TRIP12: variants seen among roughly 807,000 people sequenced by gnomAD.
TRIP12 encodes the protein E3 ubiquitin-protein ligase TRIP12.
Under a neutral mutation model 244.2 loss-of-function variants are expected in TRIP12, and 25 were observed. The ratio of observed to expected loss-of-function variants is 0.10; its 90% CI spans 0.07 to 0.14. The LOEUF (loss-of-function observed/expected upper bound fraction) is 0.14, where lower values mean the gene tolerates loss of function less well. Among genes scored for constraint, TRIP12 ranks in the 10% least tolerant of loss-of-function variants. The pLI is 1.00. For missense variants in TRIP12, 1,677 were observed against 2,486.4 expected, an observed-to-expected ratio of 0.67 and a Z score of 6.92; for synonymous variants, 905 against 873.1, an observed-to-expected ratio of 1.04 and a Z score of -0.64.
intron 6 of TRIP12, among the ~76,000 whole-genome samples, chr2:229,835,986 G>A (rs1417392703): frequency 6.6e-6 from 1 of 152,138 alleles, no homozygotes; most frequent in Non-Finnish European, 1.5e-5. Context: ...AAAGTGTAGT[G>A]CTTAAAAGAA....
chr2:229,863,602 A>G (rs2154339390), intron 2 of TRIP12, among the ~76,000 whole-genome samples: 1 of 152,354 alleles, frequency 6.6e-6, no homozygotes, highest in East Asian at 1.9e-4. Context: ...AGGAATAGAC[A>G]ACCAGATGGT....
chr2:229,864,047 A>AGAGAGTGTGT, intron 2 of TRIP12, among the ~76,000 whole-genome samples: 12 of 79,316 alleles, frequency 1.5e-4, no homozygotes, highest in African/African-American at 2.4e-4. Context: ...AGAGAGAGAG[A>AGAGAGTGTGT]GTGTGTGTGT....
intron 37 of TRIP12, among the ~76,000 whole-genome samples, chr2:229,774,899 G>A (rs1280988297): frequency 6.6e-6 from 1 of 150,418 alleles, no homozygotes; most frequent in East Asian, 1.9e-4. Flanking sequence ...CAAACGTTAA[G>A]AAGTCTTTAT....
chr2:229,861,751 AAAG>A (rs1183370016), intron 2 of TRIP12, among the ~76,000 whole-genome samples: 1 of 152,198 alleles, frequency 6.6e-6, no homozygotes, highest in Non-Finnish European at 1.5e-5. Context: ...AAGAGTCTTA[AAAG>A]AAGGTAAGAA....
chr2:229,911,641 C>G (rs1040367904), intron 1 of TRIP12, among the ~76,000 whole-genome samples: 1 of 152,082 alleles, frequency 6.6e-6, no homozygotes. Context: ...GCTAATTACC[C>G]TGGTCTGACT....
At chr2:229,825,869 C>A (rs1285113871) in intron 8 of TRIP12, among the ~76,000 whole-genome samples, 1 of 152,140 alleles carries the variant, frequency 6.6e-6, no homozygotes, top group Non-Finnish European at 1.5e-5. Flanking sequence ...GATTCAGAAG[C>A]CAAACTCAAA....
At chr2:229,824,283 C>T (rs2050891299) in intron 8 of TRIP12, among the ~76,000 whole-genome samples, 2 of 152,124 alleles carry the variant, frequency 1.3e-5, no homozygotes, top group East Asian at 1.9e-4. Flanking sequence ...ATTAGAGAAA[C>T]AATGAATTTT....
intron 1 of TRIP12, among the ~76,000 whole-genome samples, chr2:229,915,252 C>CAA (rs952704384): frequency 6.8e-6 from 1 of 147,442 alleles, no homozygotes; most frequent in Non-Finnish European, 1.5e-5. Context: ...AACTCAATCT[C>CAA]AAAAAAAAAA....
At position 229,860,417 on chromosome 2, in the gene TRIP12, G is replaced by A. The variant is rs1170674040; in HGVS notation, c.213C>T (p.His71=). 1.9e-6 allele frequency: 3 copies of A among 1,592,416 alleles called. No individual in the cohort carries two copies. The highest frequency in any genetic ancestry group is 1.3e-5 in the African/African-American group (1 of 74,218). ...SNTTSELSRG[H]LSKRSCSSSS... ...ACATGAAGATTTACCTTTTAGAAAGGTGTCCCCTTGACAGTTCAGAAGTAG... is the reference window on the plus strand; with the variant it reads ...ACATGAAGATTTACCTTTTAGAAAGATGTCCCCTTGACAGTTCAGAAGTAG... Residue 71 remains histidine, a synonymous_variant, in exon 3 of 42, where the codon CAC becomes CAT. Coordinates refer to ENST00000675903, the MANE Select transcript of TRIP12 (RefSeq NM_001348323.3).
chr2:229,921,378 G>C (rs963382612), intron 1 of TRIP12: 2 of 152,618 alleles, frequency 1.3e-5, no homozygotes, highest in East Asian at 1.9e-4. Flanking sequence ...CCACGGCCCC[G>C]GAGCCTCCCC....
intron 34 of TRIP12, 58 bp from the exon 35 acceptor site, chr2:229,779,048 C>T: frequency 7.0e-7 from 1 of 1,421,696 alleles, no homozygotes; most frequent in Non-Finnish European, 9.9e-7. Flanking sequence ...TTTTTTACTG[C>T]CAACCTCTTG....
At chr2:229,898,414 G>C (rs1381585481) in intron 1 of TRIP12, among the ~76,000 whole-genome samples, 1 of 152,070 alleles carries the variant, frequency 6.6e-6, no homozygotes, top group Non-Finnish European at 1.5e-5. Context: ...AATAACCCCA[G>C]AATTATAGCA....
At chr2:229,862,005 G>A (rs763737234) in intron 2 of TRIP12, among the ~76,000 whole-genome samples, 3 of 152,108 alleles carry the variant, frequency 2.0e-5, no homozygotes, top group African/African-American at 7.2e-5. Context: ...TAGCTAAGCT[G>A]AACTTTGTAA....
intron 2 of TRIP12, among the ~76,000 whole-genome samples, chr2:229,875,356 A>T (rs1159207703): frequency 6.6e-6 from 1 of 152,244 alleles, no homozygotes; most frequent in Non-Finnish European, 1.5e-5. Context: ...GAAGGAGGTT[A>T]CACAAAGAAG....
chr2:229,800,282 G>C (rs1411015208), intron 21 of TRIP12, among the ~76,000 whole-genome samples: 1 of 152,106 alleles, frequency 6.6e-6, no homozygotes, highest in East Asian at 1.9e-4. Flanking sequence ...AGTAGTATGA[G>C]TAATTTATTC....
chr2:229,858,680 G>A, intron 4 of TRIP12, 92 bp downstream of exon 4: 2 of 1,122,578 alleles, frequency 1.8e-6, no homozygotes, highest in South Asian at 3.3e-5. Flanking sequence ...AAGACTGGGG[G>A]GAAAAAACCC....
intron 25 of TRIP12, among the ~76,000 whole-genome samples, chr2:229,795,925 C>T (rs556699873): frequency 3.9e-5 from 6 of 152,280 alleles, no homozygotes; most frequent in African/African-American, 1.4e-4. Flanking sequence ...GGACTGCAAG[C>T]GCATGGTGAA....
chr2:229,876,505 A>G (rs1372359035), intron 2 of TRIP12, among the ~76,000 whole-genome samples: 2 of 152,192 alleles, frequency 1.3e-5, no homozygotes, highest in African/African-American at 4.8e-5. Flanking sequence ...AACTGAGCAT[A>G]TTATTGACTG....
At chr2:229,831,704 T>C (rs900527842) in intron 6 of TRIP12, among the ~76,000 whole-genome samples, 2 of 152,196 alleles carry the variant, frequency 1.3e-5, no homozygotes, top group South Asian at 4.1e-4. Flanking sequence ...GAGTTAAGAC[T>C]CAGGATACTA....
Sources: gnomAD v4.1 joint callset for allele counts (sites outside exome capture counted in the v4.1 genomes callset) on GRCh38, gnomAD v4.1.1 for gene constraint, MANE v1.5 for transcripts, NCBI Gene and HGNC (gene_info 2026-07-23, HGNC 2026-07-21) for gene names.